LIX1L: variants seen among roughly 807,000 people sequenced by gnomAD.
LIX1L encodes the protein limb and CNS expressed 1 like, also known as LIX1-like protein.
LIX1L carries 20 observed loss-of-function variants against 34.0 expected under a neutral mutation model. That is an observed-to-expected ratio of 0.59 (90% confidence interval 0.41 to 0.85). The LOEUF is 0.85. LIX1L is among the 40% of genes least tolerant of loss of function. The pLI, the probability that LIX1L is intolerant of heterozygous loss-of-function variation, is 0.00. For missense variants in LIX1L, 397 were observed against 447.0 expected, an observed-to-expected ratio of 0.89 and a Z score of 1.01; for synonymous variants, 170 against 187.4, an observed-to-expected ratio of 0.91 and a Z score of 0.76.
intron 1 of LIX1L, among the ~76,000 whole-genome samples, chr1:145,954,494 T>G (rs1649403665): frequency 6.6e-6 from 1 of 152,166 alleles, no homozygotes; most frequent in Non-Finnish European, 1.5e-5. Flanking sequence ...TACACAAGAT[T>G]CATTTGTTCA....
At chr1:145,937,378 C>G in intron 4 of LIX1L, 1 of 352,908 alleles carries the variant, frequency 2.8e-6, no homozygotes, top group Non-Finnish European at 5.2e-6. Context: ...TGCCATGTCT[C>G]AAACTCCTGG....
chr1:145,951,135 C>G (rs1649285045), intron 1 of LIX1L, among the ~76,000 whole-genome samples: 1 of 152,190 alleles, frequency 6.6e-6, no homozygotes, highest in Non-Finnish European at 1.5e-5. Context: ...CAACCTCTAC[C>G]TCCCAGGTTC....
At chr1:145,937,184 T>A (rs1648688523) in intron 4 of LIX1L, among the ~76,000 whole-genome samples, 199 bp from the exon 5 acceptor site, 1 of 151,726 alleles carries the variant, frequency 6.6e-6, no homozygotes, top group Non-Finnish European at 1.5e-5. Flanking sequence ...ACTTACTTAC[T>A]TACTTATTTG....
In LIX1L at chr1:145,936,447, T is replaced by G; in HGVS notation, c.877A>C (p.Arg293=). 1 of 1,614,156 alleles carries G rather than the reference T, an allele frequency of 6.2e-7. No homozygotes were observed. The highest frequency in any genetic ancestry group is 2.2e-5 in the East Asian group (1 of 44,876). ...REQSVPGALS[R]ELASTERELD... The stretch of plus-strand genomic sequence containing the variant: ...TCCCGCTCAGTAGAGGCCAGCTCTC[T>G]AGACAGTGCCCCCGGCACACTCTGC... Residue 293 remains arginine (R), a synonymous_variant, in exon 6 of 6, where the codon AGA becomes CGA. Transcript: ENST00000604000.
At chr1:145,953,082 C>A (rs1553760000) in intron 1 of LIX1L, among the ~76,000 whole-genome samples, 1 of 151,716 alleles carries the variant, frequency 6.6e-6, no homozygotes, top group Non-Finnish European at 1.5e-5. Context: ...CTGGATAATT[C>A]AAAAAAATTT....
intron 1 of LIX1L, among the ~76,000 whole-genome samples, chr1:145,953,700 G>A (rs1467034718): frequency 1.3e-5 from 2 of 152,180 alleles, no homozygotes; most frequent in Non-Finnish European, 2.9e-5. Flanking sequence ...AATGATCTGA[G>A]ATGGGGAGAT....
At chr1:145,952,134 G>C (rs886839879) in intron 1 of LIX1L, among the ~76,000 whole-genome samples, 16 of 152,112 alleles carry the variant, frequency 1.1e-4, no homozygotes, top group Admixed American at 1.0e-3. Flanking sequence ...GGCAGAGTTG[G>C]GGCATGAATC....
chr1:145,941,669 C>A (rs1273966875), intron 3 of LIX1L, among the ~76,000 whole-genome samples: 4 of 152,146 alleles, frequency 2.6e-5, no homozygotes, highest in Non-Finnish European at 5.9e-5. Context: ...TAAATTAAGT[C>A]AACTTGGGTT....
intron 2 of LIX1L, among the ~76,000 whole-genome samples, chr1:145,946,940 T>C (rs1308877182): frequency 3.9e-5 from 6 of 152,306 alleles, no homozygotes; most frequent in African/African-American, 1.4e-4. Flanking sequence ...AAAAAATCCA[T>C]CTTTGATGAG....
chr1:145,951,557 C>CA (rs1649300897), intron 1 of LIX1L, among the ~76,000 whole-genome samples: 2 of 151,462 alleles, frequency 1.3e-5, no homozygotes, highest in South Asian at 2.1e-4. Flanking sequence ...CTGTCATGGG[C>CA]AAAAAAAATT....
At chr1:145,949,665 TA>T (rs1301249406) in intron 1 of LIX1L, among the ~76,000 whole-genome samples, 32 of 146,864 alleles carry the variant, frequency 2.2e-4, no homozygotes, top group Admixed American at 2.0e-4. Context: ...AATAACTAAT[TA>T]AAAAAAAAAG....
At chr1:145,936,724 A>C (rs1200544405) in intron 5 of LIX1L, 172 bp from the exon 6 acceptor site, 1 of 836,198 alleles carries the variant, frequency 1.2e-6, no homozygotes, top group Non-Finnish European at 1.9e-6. Flanking sequence ...AAGATAGACA[A>C]AAGAATCACA....
intron 2 of LIX1L, among the ~76,000 whole-genome samples, chr1:145,946,375 T>G (rs1416974120): frequency 6.6e-6 from 1 of 151,708 alleles, no homozygotes; most frequent in Non-Finnish European, 1.5e-5. Context: ...ATTTTTGTAT[T>G]TTTAGTAGAG....
Position 145,947,668 on chromosome 1 carries a change from T to C in LIX1L, c.407A>G (p.Tyr136Cys), listed in dbSNP as rs1649160893. Residue 136 changes from tyrosine (Y) to cysteine (C), a missense_variant, in exon 2 of 6, where the codon TAT (tyrosine) becomes TGT (cysteine). Coordinates refer to ENST00000604000, the MANE Select transcript of LIX1L (RefSeq NM_153713.3). Reference protein sequence around the residue: ...YEMVPSNSPPYVCYVTLPGGS... With the variant: ...YEMVPSNSPPCVCYVTLPGGS... Reference sequence around the variant, plus strand: ...CCCAGGCAGGGTGACATAGCAGACATAAGGAGGGCTGTTGGAGGGAACCAT... The same window carrying C: ...CCCAGGCAGGGTGACATAGCAGACACAAGGAGGGCTGTTGGAGGGAACCAT... 1 of 1,614,088 alleles carries C rather than the reference T, an allele frequency of 6.2e-7. No individual in the cohort carries two copies. The highest frequency in any genetic ancestry group is 8.5e-7 in the Non-Finnish European group (1 of 1,180,018).
At chr1:145,949,710 C>T (rs1649223804) in intron 1 of LIX1L, among the ~76,000 whole-genome samples, 1 of 151,870 alleles carries the variant, frequency 6.6e-6, no homozygotes, top group African/African-American at 2.4e-5. Context: ...TAGAAAGGAT[C>T]ACATTGGCTC....
rs868986864 is a variant in LIX1L at position 145,936,964 on chromosome 1, G to A, written c.715C>T (p.Leu239=). 1 of 1,613,026 alleles carries A rather than the reference G, an allele frequency of 6.2e-7. No homozygotes were observed. ...TTAAGGCTGCCATTCCAGTGTAGCA[G>A]TTGAAAAACTGTCATTAGCTCCTGG... The part of the protein sequence containing the change: ...EFQELMTVFQ[L]LHWNGSLKAM... Residue 239 remains leucine, a synonymous_variant, in exon 5 of 6, where the codon CTG becomes TTG. Transcript: ENST00000604000.
In LIX1L at chr1:145,949,758, C is replaced by T. The variant is rs74227619; in HGVS notation, c.293-1976G>A. On this transcript the variant is annotated intron_variant, in intron 1 of 5. Transcript: ENST00000604000. The stretch of plus-strand genomic sequence containing the variant: ...CATTTCAAATAGTTTTAGCTAAAGC[C>T]TCATAATAATAAATTATCCCAGGTG... Among the ~76,000 whole-genome samples the T allele has an allele frequency of 3.1e-3, 466 of 151,908 alleles. 6 individuals carry two copies. The highest frequency in any genetic ancestry group is 0.028 in the South Asian group (132 of 4,796).
rs1649144339 is a variant in LIX1L, at chr1:145,947,298, TA to T, written c.456+320del. 1.0e-5 allele frequency: 3 copies of T among 295,548 alleles called. No homozygotes were observed. In the South Asian group the frequency reaches 1.6e-4, roughly 16 times the overall value. The allele number at this position is 295,548 out of a possible 1,614,324, so 18.3% of individuals were successfully genotyped here. A position where few individuals can be genotyped will look rare whatever the true frequency, so the allele number is the denominator to read the frequency against. ...AAGGAATATTGTTCTATATCCTCAA[TA>T]AGAGATGGAAGAAAGTTGGAATGCA... On this transcript the variant is annotated intron_variant, in intron 2 of 5. Coordinates refer to ENST00000604000, the MANE Select transcript of LIX1L (RefSeq NM_153713.3).
intron 4 of LIX1L, chr1:145,937,276 A>C (rs1553757970): frequency 4.9e-6 from 1 of 204,572 alleles, no homozygotes; most frequent in African/African-American, 2.3e-5. Context: ...CCTGGGTTCA[A>C]GCAATTCTCG....
Sources: allele counts gnomAD v4.1 joint callset (sites outside exome capture counted in the v4.1 genomes callset), GRCh38; gene constraint gnomAD v4.1.1; transcripts MANE v1.5; gene names NCBI Gene and HGNC (gene_info 2026-07-23, HGNC 2026-07-21).